Variants in IRF4 observed in about 807,000 individuals in gnomAD.
IRF4 encodes interferon regulatory factor 4, also known as lymphocyte-specific interferon regulatory factor.
In IRF4, 13 loss-of-function variants were observed where a neutral mutation model predicts 55.5. That is an observed-to-expected ratio of 0.23 (90% CI 0.15 to 0.37). The LOEUF (loss-of-function observed/expected upper bound fraction) is 0.37. Among genes scored for constraint, IRF4 ranks in the 10% least tolerant of loss-of-function variants. IRF4 has a pLI of 1.00. For missense variants in IRF4, 397 were observed against 593.8 expected, an observed-to-expected ratio of 0.67 and a Z score of 3.44; for synonymous variants, 249 against 240.7, an observed-to-expected ratio of 1.03 and a Z score of -0.32.
In IRF4 at chr6:411,345, A is replaced by G. The variant is rs149277271; in HGVS notation, c.*3747A>G. 3 of 216,808 alleles carry G rather than the reference A, an allele frequency of 1.4e-5. No homozygotes were observed. The highest frequency in any genetic ancestry group is 6.7e-5 in the East Asian group (1 of 14,912). The allele number at this position is 216,808 out of a possible 1,614,324, so 13.4% of individuals were successfully genotyped here. On this transcript the variant is annotated 3_prime_UTR_variant, in exon 9 of 9. Transcript: ENST00000380956. The stretch of plus-strand genomic sequence containing the variant: ...TAGATAATGCTATGCTGTCGTTGGT[A>G]TACATCATGAATTTTTATGTAAATT...
At position 396,411 on chromosome 6, in the gene IRF4, A is replaced by G. The variant is rs192206036; in HGVS notation, c.492+476A>G. 1.5e-3 allele frequency among the ~76,000 whole-genome samples: 228 copies of G among 152,320 alleles called. 1 individual carries two copies. Among genetic ancestry groups the G allele is most frequent in the African/African-American group, 5.2e-3 (215 of 41,560 alleles). On this transcript the variant is annotated intron_variant, in intron 4 of 8. Transcript: ENST00000380956. ...ACAAGTATCTCCATTGTCCTTTATG[A>G]TCCTCCATGAGTGTTTTCACTTAGT... is the stretch of plus-strand genomic sequence containing the variant.
intron 5 of IRF4, 99 bp downstream of exon 5, chr6:397,351 T>G: frequency 4.2e-6 from 6 of 1,419,236 alleles, no homozygotes; most frequent in Admixed American, 2.0e-5. Context: ...CCAAAGCTCT[T>G]TCCCCTTCTT....
chr6:410,407 C>G lies in IRF4; in HGVS notation c.*2809C>G. ...CCTGAGCGAAAACAGGAGAGTTAGTCGCCCTACAGAAAACCCAGCTAGACT... is the reference window on the plus strand; with the variant it reads ...CCTGAGCGAAAACAGGAGAGTTAGTGGCCCTACAGAAAACCCAGCTAGACT... On this transcript the variant is annotated 3_prime_UTR_variant, in exon 9 of 9. Transcript: ENST00000380956. 4.4e-6 allele frequency: 1 copy of G among 229,592 alleles called. No individual in the cohort carries two copies. The allele number at this position is 229,592 out of a possible 1,614,324, so 14.2% of individuals were successfully genotyped here. A position where few individuals can be genotyped will look rare whatever the true frequency, so the allele number is the denominator to read the frequency against.
chr6:393,436 G>A lies in IRF4; in HGVS notation c.216+68G>A, dbSNP rs371477539. The A allele has an allele frequency of 4.0e-4, 343 of 862,466 alleles. 4 individuals carry two copies. The East Asian group carries it at 0.011, about 28-fold the overall frequency. 53.4% of individuals were successfully genotyped at this position (862,466 alleles called of 1,614,324 possible). ...CCAGAGACAGAGCCCGGGGTCCCCG[G>A]CGCCGCCTCCGAGGCGAGCCCAGGG... is the stretch of plus-strand genomic sequence containing the variant. On this transcript the variant is annotated intron_variant, in intron 2 of 8. Coordinates refer to ENST00000380956, the MANE Select transcript of IRF4 (RefSeq NM_002460.4). The surrounding 1 kb of genome is among the most constrained non-coding windows in gnomAD (Gnocchi z 5.4).
At position 408,311 on chromosome 6, in the gene IRF4, AAGCCGTGCCTGT is replaced by A. The variant is rs1289977487; in HGVS notation, c.*718_*729del. 8 of 231,932 alleles carry A rather than the reference AAGCCGTGCCTGT, an allele frequency of 3.4e-5. No homozygotes were observed. The highest frequency in any genetic ancestry group is 6.8e-5 in the Non-Finnish European group (8 of 117,184). The allele number at this position is 231,932 out of a possible 1,614,324, so 14.4% of individuals were successfully genotyped here. A position where few individuals can be genotyped will look rare whatever the true frequency, so the allele number is the denominator to read the frequency against. ...AGTGAAGGAAATGAATCTTTGACTG[AAGCCGTGCCTGT>A]AGCCTTGGGGAGGCCCATCCCCCAC... is the stretch of plus-strand genomic sequence containing the variant. On this transcript the variant is annotated 3_prime_UTR_variant, in exon 9 of 9. Transcript: ENST00000380956.
chr6:394,182 T>C (rs1299543654), intron 2 of IRF4, among the ~76,000 whole-genome samples: 2 of 152,342 alleles, frequency 1.3e-5, no homozygotes, highest in East Asian at 3.9e-4. Context: ...GCCATCCAGA[T>C]GTCTCCTGTG....
Position 401,776 on chromosome 6 carries a change from A to G in IRF4, c.1098A>G (p.Ser366=). Residue 366 remains serine (S), a splice_region_variant and synonymous_variant, in exon 7 of 9, where the codon TCA becomes TCG. Coordinates refer to ENST00000380956, the MANE Select transcript of IRF4 (RefSeq NM_002460.4). ...CKLFDTQQFL[S]ELQAFAHHGR... ...TCTTTGACACACAGCAGTTCTTGTC[A>G]GGTAAGGCACCTCGTTATCTGTTAG... 6.2e-7 allele frequency: 1 copy of G among 1,613,944 alleles called. No individual in the cohort carries two copies. Among genetic ancestry groups the G allele is most frequent in the East Asian group, 2.2e-5 (1 of 44,890 alleles).
At chr6:402,092 G>C (rs1761418217) in intron 7 of IRF4, among the ~76,000 whole-genome samples, 1 of 152,182 alleles carries the variant, frequency 6.6e-6, no homozygotes, top group African/African-American at 2.4e-5. Context: ...TGATGTGGCG[G>C]CTCTTTTCAG....
intron 8 of IRF4, among the ~76,000 whole-genome samples, chr6:407,143 C>A (rs972172468): frequency 7.2e-5 from 11 of 152,190 alleles, no homozygotes; most frequent in African/African-American, 2.4e-5. Context: ...CCTCAGACTT[C>A]CTTTTAATTT....
chr6:404,279 T>G (rs73717076), intron 7 of IRF4, among the ~76,000 whole-genome samples: 2,173 of 152,314 alleles, frequency 0.014, 44 homozygotes, highest in African/African-American at 0.043. Flanking sequence ...CCAACAATGT[T>G]CCAGTCCGTT....
chr6:409,628 G>T lies in IRF4; in HGVS notation c.*2030G>T, dbSNP rs1761641211. ...GGATATGTATTGGGCAGCAGACTGTGTTTCGTGAACTGCAGTGATGTATAC... is the reference window on the plus strand; with the variant it reads ...GGATATGTATTGGGCAGCAGACTGTTTTTCGTGAACTGCAGTGATGTATAC... On this transcript the variant is annotated 3_prime_UTR_variant, in exon 9 of 9. Coordinates refer to ENST00000380956, the MANE Select transcript of IRF4 (RefSeq NM_002460.4). The T allele has an allele frequency of 4.5e-6, 1 of 221,768 alleles. No individual in the cohort carries two copies. Among genetic ancestry groups the T allele is most frequent in the Non-Finnish European group, 9.0e-6 (1 of 110,608 alleles). 13.7% of individuals were successfully genotyped at this position (221,768 alleles called of 1,614,324 possible).
At chr6:400,809 C>T (rs1761377027) in intron 6 of IRF4, among the ~76,000 whole-genome samples, 1 of 152,070 alleles carries the variant, frequency 6.6e-6, no homozygotes, top group Admixed American at 6.5e-5. Context: ...CACACACACA[C>T]ACACACATTT....
intron 1 of IRF4, 62 bp downstream of exon 1, chr6:391,871 G>A (rs1284621379): frequency 2.2e-6 from 1 of 453,818 alleles, no homozygotes; most frequent in Non-Finnish European, 4.4e-6. Flanking sequence ...GACCCGGAGC[G>A]CGAACCAGAG....
At chr6:398,100 G>A (rs1480229610) in intron 5 of IRF4, among the ~76,000 whole-genome samples, 1 of 152,248 alleles carries the variant, frequency 6.6e-6, no homozygotes. Context: ...GGCTTTTCAA[G>A]AGGGATTTGC....
chr6:405,620 AT>A (rs1761525446), intron 8 of IRF4, among the ~76,000 whole-genome samples: 1 of 152,196 alleles, frequency 6.6e-6, no homozygotes, highest in African/African-American at 2.4e-5. Context: ...TATTTCTGGA[AT>A]TTTAGAAATT....
At chr6:405,372 G>A (rs2127442043) in intron 8 of IRF4, among the ~76,000 whole-genome samples, 1 of 152,296 alleles carries the variant, frequency 6.6e-6, no homozygotes, top group East Asian at 1.9e-4. Context: ...TCAAAGGAGG[G>A]TGCCTCTTTC....
intron 3 of IRF4, 126 bp from the exon 4 acceptor site, chr6:395,721 T>A (rs957297681): frequency 4.2e-6 from 3 of 714,802 alleles, no homozygotes; most frequent in Non-Finnish European, 7.1e-6. Flanking sequence ...AAAAATACCT[T>A]ATTTGTCAAC....
At position 410,102 on chromosome 6, in the gene IRF4, C is replaced by A. The variant is rs1172394777; in HGVS notation, c.*2504C>A. On this transcript the variant is annotated 3_prime_UTR_variant, in exon 9 of 9. Coordinates refer to ENST00000380956, the MANE Select transcript of IRF4 (RefSeq NM_002460.4). ...CTTGTCTCAGGACTCTGAAAAGGAA[C>A]GGCTTCCTCATTCCTTGTCTTGATA... 5 of 226,406 alleles carry A rather than the reference C, an allele frequency of 2.2e-5. No individual in the cohort carries two copies. Among genetic ancestry groups the A allele is most frequent in the African/African-American group, 8.9e-5 (4 of 44,962 alleles). The allele number at this position is 226,406 out of a possible 1,614,324, so 14.0% of individuals were successfully genotyped here. A position where few individuals can be genotyped will look rare whatever the true frequency, so the allele number is the denominator to read the frequency against.
At chr6:406,378 C>G (rs1418665727) in intron 8 of IRF4, among the ~76,000 whole-genome samples, 1 of 152,060 alleles carries the variant, frequency 6.6e-6, no homozygotes, top group Non-Finnish European at 1.5e-5. Flanking sequence ...CCCCTCTCTA[C>G]TAAAAATACA....
Sources: gnomAD v4.1 joint callset for allele counts (sites outside exome capture counted in the v4.1 genomes callset) on GRCh38, gnomAD v4.1.1 for gene constraint, Gnocchi (gnomAD v3.1) non-coding constraint, MANE v1.5 for transcripts, NCBI Gene and HGNC (gene_info 2026-07-23, HGNC 2026-07-21) for gene names.